SLC38A1: variants seen among roughly 807,000 people sequenced by gnomAD.
SLC38A1 encodes the protein solute carrier family 38 member 1.
SLC38A1 carries 18 observed loss-of-function variants against 60.3 expected under a neutral mutation model. The ratio of observed to expected loss-of-function variants is 0.30; its 90% CI spans 0.21 to 0.44. The LOEUF (loss-of-function observed/expected upper bound fraction) is 0.44. Among genes scored for constraint, SLC38A1 ranks in the 20% least tolerant of loss-of-function variants. SLC38A1 has a pLI of 1.00. For missense variants in SLC38A1, 448 were observed against 587.2 expected, an observed-to-expected ratio of 0.76 and a Z score of 2.45; for synonymous variants, 196 against 212.1, an observed-to-expected ratio of 0.92 and a Z score of 0.66.
chr12:46,256,183 A>G (rs1322682452), intron 1 of SLC38A1, among the ~76,000 whole-genome samples: 1 of 151,696 alleles, frequency 6.6e-6, no homozygotes, highest in Non-Finnish European at 1.5e-5. Context: ...AAAAAAAAAA[A>G]AAAGTCAAAG....
chr12:46,201,052 T>C, intron 13 of SLC38A1, 46 bp downstream of exon 13: 1 of 1,334,514 alleles, frequency 7.5e-7, no homozygotes, highest in Non-Finnish European at 1.1e-6. Context: ...TTTTTACTAA[T>C]TTGTTTACAA....
intron 3 of SLC38A1, among the ~76,000 whole-genome samples, chr12:46,230,169 A>G (rs578077549): frequency 4.3e-4 from 65 of 152,314 alleles, no homozygotes; most frequent in Non-Finnish European, 8.2e-4. Context: ...TGTTAAATAG[A>G]AATTCCCTCT....
intron 16 of SLC38A1, among the ~76,000 whole-genome samples, chr12:46,196,543 G>GC (rs945272073): frequency 1.3e-5 from 2 of 152,124 alleles, no homozygotes; most frequent in Non-Finnish European, 2.9e-5. Context: ...TCCTCATTAA[G>GC]CCCCTACAGA....
chr12:46,236,265 C>T (rs1362280949), intron 3 of SLC38A1, among the ~76,000 whole-genome samples: 1 of 152,084 alleles, frequency 6.6e-6, no homozygotes, highest in Admixed American at 6.5e-5. Flanking sequence ...TAGACCTTGG[C>T]AATGACCTTG....
At position 46,188,866 on chromosome 12, in the gene SLC38A1, T is replaced by G; in HGVS notation, c.*104A>C. 2.1e-6 allele frequency: 2 copies of G among 946,356 alleles called. No homozygotes were observed. The highest frequency in any genetic ancestry group is 3.3e-6 in the Non-Finnish European group (2 of 599,444). 58.6% of individuals were successfully genotyped at this position (946,356 alleles called of 1,614,324 possible). On this transcript the variant is annotated 3_prime_UTR_variant, in exon 17 of 17. Transcript: ENST00000398637. The stretch of plus-strand genomic sequence containing the variant: ...ATTCCATTTTAAGTATCCTGTACAT[T>G]TCTGTTTGCTTCTGTAAACTTGCAA...
At chr12:46,245,902 C>CT (rs1316471845) in intron 1 of SLC38A1, among the ~76,000 whole-genome samples, 1 of 152,080 alleles carries the variant, frequency 6.6e-6, no homozygotes, top group Non-Finnish European at 1.5e-5. Flanking sequence ...TCTTCCTTCT[C>CT]TTTTTTAATT....
At chr12:46,217,159 G>A (rs902535231) in intron 5 of SLC38A1, among the ~76,000 whole-genome samples, 1 of 152,122 alleles carries the variant, frequency 6.6e-6, no homozygotes, top group African/African-American at 2.4e-5. Flanking sequence ...CTTATGAGTA[G>A]TACTATTACT....
intron 16 of SLC38A1, chr12:46,196,294 C>A (rs764383320): frequency 4.6e-6 from 7 of 1,534,946 alleles, no homozygotes; most frequent in Middle Eastern, 1.7e-4. Flanking sequence ...AGGAGAGGAG[C>A]AAATTGGGGG....
chr12:46,260,953 C>G (rs911999130), intron 1 of SLC38A1, among the ~76,000 whole-genome samples: 2 of 152,164 alleles, frequency 1.3e-5, no homozygotes, highest in African/African-American at 4.8e-5. Context: ...CATAACTGTT[C>G]CCTCTACAGG....
intron 5 of SLC38A1, among the ~76,000 whole-genome samples, chr12:46,209,751 A>C (rs1592088370): frequency 6.6e-6 from 1 of 152,172 alleles, no homozygotes; most frequent in East Asian, 1.9e-4. Context: ...TTTGACAATC[A>C]AGTATAATGA....
intron 1 of SLC38A1, among the ~76,000 whole-genome samples, chr12:46,265,714 C>A (rs1942330231): frequency 6.6e-6 from 1 of 152,162 alleles, no homozygotes; most frequent in Non-Finnish European, 1.5e-5. Context: ...ATATAAACCT[C>A]ATGAAAGAAT....
At chr12:46,229,007 G>T in intron 5 of SLC38A1, 146 bp downstream of exon 5, 1 of 484,708 alleles carries the variant, frequency 2.1e-6, no homozygotes. Context: ...AATCACTCAA[G>T]CAATAAATAT....
rs747587806 is a variant in SLC38A1 at position 46,229,551 on chromosome 12, T to A, written c.198+13A>T. 4.4e-6 allele frequency: 7 copies of A among 1,582,740 alleles called. No homozygotes were observed. Among genetic ancestry groups the A allele is most frequent in the Non-Finnish European group, 6.1e-6 (7 of 1,152,396 alleles). The stretch of plus-strand genomic sequence containing the variant: ...TTAAAAAAATAAGCATACTTCATTA[T>A]AATGATACTTACATACTCATCACAC... On this transcript the variant is annotated intron_variant, in intron 4 of 16. Coordinates refer to ENST00000398637, the MANE Select transcript of SLC38A1 (RefSeq NM_030674.4).
intron 13 of SLC38A1, among the ~76,000 whole-genome samples, chr12:46,199,612 G>T (rs1939559382): frequency 6.6e-6 from 1 of 151,664 alleles, no homozygotes; most frequent in Admixed American, 6.6e-5. Flanking sequence ...ACCTACCTTG[G>T]CCTCCCAAAA....
At chr12:46,200,317 GA>G (rs1402261588) in intron 13 of SLC38A1, among the ~76,000 whole-genome samples, 4 of 151,180 alleles carry the variant, frequency 2.6e-5, no homozygotes, top group Non-Finnish European at 2.9e-5. Context: ...TTGTGTTTAT[GA>G]AAAAAAGTCC....
At position 46,207,154 on chromosome 12, in the gene SLC38A1, C is replaced by A; in HGVS notation, c.563+1G>T. ...TCATAAAAAAATGGTCTATAACTTA[C>A]GAAAATGTCTCTTCCTTTCCCATTA... On this transcript the variant is annotated splice_donor_variant, in intron 8 of 16. Transcript: ENST00000398637. LOFTEE classifies it high-confidence loss of function. The A allele has an allele frequency of 6.2e-7, 1 of 1,600,012 alleles. No individual in the cohort carries two copies. Among genetic ancestry groups the A allele is most frequent in the South Asian group, 1.1e-5 (1 of 88,750 alleles).
At chr12:46,235,920 C>G (rs751062653) in intron 3 of SLC38A1, among the ~76,000 whole-genome samples, 6 of 152,116 alleles carry the variant, frequency 3.9e-5, no homozygotes, top group Non-Finnish European at 8.8e-5. Context: ...CTAGAATAAT[C>G]TACTAATGTT....
chr12:46,218,139 C>T (rs556976850), intron 5 of SLC38A1, among the ~76,000 whole-genome samples: 16 of 152,140 alleles, frequency 1.1e-4, no homozygotes, highest in African/African-American at 7.2e-5. Context: ...TGAGAAAGAG[C>T]GCCATGTACC....
Position 46,198,067 on chromosome 12 carries a change from G to A in SLC38A1, c.1123-7C>T. 6.2e-7 allele frequency: 1 copy of A among 1,612,542 alleles called. No homozygotes were observed. Among genetic ancestry groups the A allele is most frequent in the Non-Finnish European group, 8.5e-7 (1 of 1,179,546 alleles). On this transcript the variant is annotated splice_region_variant and splice_polypyrimidine_tract_variant and intron_variant, in intron 14 of 16. Coordinates refer to ENST00000398637, the MANE Select transcript of SLC38A1 (RefSeq NM_030674.4). ...CAAATAAAGATGAACGAACCTGCAA[G>A]AAAAGAAAACAAAGATTCTGTAAGT...
Sources: gnomAD v4.1 joint callset for allele counts (sites outside exome capture counted in the v4.1 genomes callset) on GRCh38, gnomAD v4.1.1 for gene constraint, MANE v1.5 for transcripts, NCBI Gene and HGNC (gene_info 2026-07-23, HGNC 2026-07-21) for gene names.